The following GPBP1 variants were observed in gnomAD, a reference collection of about 807,000 sequenced individuals.
GPBP1 encodes GC-rich promoter binding protein 1.
A neutral mutation model predicts 56.5 loss-of-function variants in GPBP1; 13 were observed. The observed-to-expected ratio is 0.23, with a 90% CI of 0.15 to 0.37. The LOEUF (loss-of-function observed/expected upper bound fraction) is 0.37. Ranked by LOEUF, GPBP1 falls within the 10% of genes least tolerant of loss-of-function variation. The pLI, the probability that GPBP1 is intolerant of heterozygous loss-of-function variation, is 1.00. For synonymous variants in GPBP1, 204 were observed against 188.9 expected (o/e 1.08, Z -0.66); for missense variants, 477 against 572.3 (o/e 0.83, Z 1.70).
chr5:57,206,752 A>G (rs565069150), intron 2 of GPBP1, among the ~76,000 whole-genome samples: 2 of 152,282 alleles, frequency 1.3e-5, no homozygotes, highest in South Asian at 4.1e-4. Context: ...TGAAAAGACA[A>G]TTCCGTATTG....
At chr5:57,214,927 G>T (rs1480798146) in intron 3 of GPBP1, among the ~76,000 whole-genome samples, 1 of 152,202 alleles carries the variant, frequency 6.6e-6, no homozygotes, top group Admixed American at 6.5e-5. Context: ...CTCCCAAAGT[G>T]CTGGGATTAC....
At chr5:57,213,856 A>G (rs1341480529) in intron 2 of GPBP1, among the ~76,000 whole-genome samples, 2 of 152,338 alleles carry the variant, frequency 1.3e-5, no homozygotes, top group South Asian at 2.1e-4. Flanking sequence ...AACCACCGCA[A>G]TCAAGATAAT....
At chr5:57,177,713 C>G (rs902468906) in intron 2 of GPBP1, among the ~76,000 whole-genome samples, 2 of 128,874 alleles carry the variant, frequency 1.6e-5, no homozygotes, top group Non-Finnish European at 3.1e-5. Flanking sequence ...GTTGGTCAGG[C>G]TAGCCTCGAA....
intron 2 of GPBP1, among the ~76,000 whole-genome samples, chr5:57,190,080 C>G (rs1298596759): frequency 2.6e-5 from 4 of 150,962 alleles, no homozygotes; most frequent in Admixed American, 6.9e-5. Flanking sequence ...GGGACCTTGT[C>G]TCATTTGTTT....
chr5:57,190,508 C>T (rs1205453374), intron 2 of GPBP1, among the ~76,000 whole-genome samples: 1 of 151,362 alleles, frequency 6.6e-6, no homozygotes, highest in African/African-American at 2.4e-5. Flanking sequence ...CACTTGAACC[C>T]AGGAGGTGGA....
intron 2 of GPBP1, among the ~76,000 whole-genome samples, chr5:57,207,921 C>A (rs933117049): frequency 6.6e-6 from 1 of 152,038 alleles, no homozygotes; most frequent in East Asian, 1.9e-4. Context: ...TGTGTTCTTC[C>A]GCCGATATGT....
At chr5:57,207,058 A>G (rs896389618) in intron 2 of GPBP1, among the ~76,000 whole-genome samples, 1 of 152,156 alleles carries the variant, frequency 6.6e-6, no homozygotes, top group African/African-American at 2.4e-5. Context: ...GAGTCATGGT[A>G]GTGCCACTGT....
chr5:57,262,613 G>GA lies in GPBP1; in HGVS notation c.1289dup (p.Asn430LysfsTer11). 1 of 1,613,040 alleles carries GA rather than the reference G, an allele frequency of 6.2e-7. No homozygotes were observed. ...TTTTAGTTACAGAAGAATGGTCTGA[G>GA]AAAAAATGGTATTTTGAAAAATGGC... On this transcript the variant is annotated frameshift_variant, in exon 12 of 12. Transcript: ENST00000506184. LOFTEE classifies it high-confidence loss of function.
intron 3 of GPBP1, among the ~76,000 whole-genome samples, chr5:57,215,829 G>A (rs1444021974): frequency 6.9e-6 from 1 of 145,260 alleles, no homozygotes; most frequent in Non-Finnish European, 1.5e-5. Context: ...AGTTTTTCCA[G>A]TGTGAAACTA....
At chr5:57,188,697 C>T (rs1008392137) in intron 2 of GPBP1, among the ~76,000 whole-genome samples, 1 of 152,050 alleles carries the variant, frequency 6.6e-6, no homozygotes, top group Non-Finnish European at 1.5e-5. Context: ...GAGCCGAGAT[C>T]GTGGCACTGC....
intron 2 of GPBP1, among the ~76,000 whole-genome samples, chr5:57,196,891 C>T (rs918708731): frequency 6.6e-6 from 1 of 152,036 alleles, no homozygotes; most frequent in African/African-American, 2.4e-5. Context: ...ATGCGATTCT[C>T]CCGCCTCAGC....
At chr5:57,238,088 T>G (rs1740623748) in intron 6 of GPBP1, among the ~76,000 whole-genome samples, 2 of 152,338 alleles carry the variant, frequency 1.3e-5, no homozygotes, top group South Asian at 4.1e-4. Flanking sequence ...AGCTATTAGG[T>G]ACATAAAATT....
At position 57,231,461 on chromosome 5, in the gene GPBP1, CAG is replaced by C. The variant is rs960473556; in HGVS notation, c.411+141_411+142del. On this transcript the variant is annotated intron_variant, in intron 5 of 11. Coordinates refer to ENST00000506184, the MANE Select transcript of GPBP1 (RefSeq NM_022913.4). Reference sequence around the variant, plus strand: ...CCTAATTTTTATATTTTTGTAGAGACAGGGTTTCACCAGGTTGGCCAGGCTGG... The same window carrying C: ...CCTAATTTTTATATTTTTGTAGAGACGGTTTCACCAGGTTGGCCAGGCTGG... 7.1e-6 allele frequency: 5 copies of C among 705,532 alleles called. No homozygotes were observed. In the African/African-American group the frequency reaches 9.0e-5, roughly 13 times the overall value. 43.7% of individuals were successfully genotyped at this position (705,532 alleles called of 1,614,324 possible).
At chr5:57,197,940 C>T (rs560293773) in intron 2 of GPBP1, among the ~76,000 whole-genome samples, 22 of 152,048 alleles carry the variant, frequency 1.4e-4, no homozygotes, top group African/African-American at 4.6e-4. Context: ...GCTTATTGAA[C>T]GGCTGTCAAT....
At chr5:57,242,846 TTC>T (rs1740894880) in intron 6 of GPBP1, among the ~76,000 whole-genome samples, 1 of 151,580 alleles carries the variant, frequency 6.6e-6, no homozygotes, top group South Asian at 2.1e-4. Flanking sequence ...GCCTCCCGGG[TTC>T]AAGTGATTCT....
Position 57,235,979 on chromosome 5 carries a change from CTGAGTA to C in GPBP1, c.430_435del (p.Tyr144_Glu145del), listed in dbSNP as rs773217050. 3 of 1,609,552 alleles carry C rather than the reference CTGAGTA, an allele frequency of 1.9e-6. No homozygotes were observed. The highest frequency in any genetic ancestry group is 1.3e-5 in the African/African-American group (1 of 74,722). On this transcript the variant is annotated inframe_deletion, in exon 6 of 12. Coordinates refer to ENST00000506184, the MANE Select transcript of GPBP1 (RefSeq NM_022913.4). Reference sequence around the variant, plus strand: ...ACTTTCTTCCAGCCGTCTTTAAATCCTGAGTATGAGAGAGAACCAAATCACAATAAG... The same window carrying C: ...ACTTTCTTCCAGCCGTCTTTAAATCCTGAGAGAGAACCAAATCACAATAAG...
intron 6 of GPBP1, chr5:57,246,097 C>G: frequency 2.3e-6 from 1 of 442,732 alleles, no homozygotes; most frequent in Non-Finnish European, 4.0e-6. Context: ...CCCAATTCTT[C>G]CTATATTCTG....
chr5:57,259,051 C>T (rs1455912326), intron 10 of GPBP1, among the ~76,000 whole-genome samples: 1 of 152,102 alleles, frequency 6.6e-6, no homozygotes, highest in Non-Finnish European at 1.5e-5. Flanking sequence ...AATGCTATTC[C>T]AAAAGGAGGC....
At position 57,249,460 on chromosome 5, in the gene GPBP1, C is replaced by G. The variant is rs1223091513; in HGVS notation, c.856C>G (p.Arg286Gly). 6.2e-7 allele frequency: 1 copy of G among 1,611,132 alleles called. No individual in the cohort carries two copies. Among genetic ancestry groups the G allele is most frequent in the Non-Finnish European group, 8.5e-7 (1 of 1,178,858 alleles). Residue 286 changes from arginine to glycine, a missense_variant, in exon 9 of 12, where the codon CGT becomes GGT. Coordinates refer to ENST00000506184, the MANE Select transcript of GPBP1 (RefSeq NM_022913.4). ...TGTTGACAAACTTAATCAGCAGCCT[C>G]GTCTAACCAAACTGACACGAATGCG... is the stretch of plus-strand genomic sequence containing the variant. ...SPVDKLNQQPRLTKLTRMRTD... is the reference protein window; with the variant it reads ...SPVDKLNQQPGLTKLTRMRTD...
Sources: allele counts gnomAD v4.1 joint callset (sites outside exome capture counted in the v4.1 genomes callset), GRCh38; gene constraint gnomAD v4.1.1; transcripts MANE v1.5; gene names NCBI Gene and HGNC (gene_info 2026-07-23, HGNC 2026-07-21).